Variants in DSP observed in about 807,000 individuals in gnomAD.
The protein encoded by DSP is desmoplakin.
Under a neutral mutation model 290.6 loss-of-function variants are expected in DSP, and 114 were observed. The ratio of observed to expected loss-of-function variants is 0.39; its 90% CI spans 0.34 to 0.46. The LOEUF is 0.46. Among genes scored for constraint, DSP ranks in the 20% least tolerant of loss-of-function variants. The pLI, the probability that DSP is intolerant of heterozygous loss-of-function variation, is 0.99. For synonymous variants in DSP, 1,311 were observed against 1,316.4 expected, an observed-to-expected ratio of 1.00 and a Z score of 0.09; for missense variants, 3,230 against 3,495.8, an observed-to-expected ratio of 0.92 and a Z score of 1.92.
chr6:7,556,691 ATAT>A (rs1357659607), intron 2 of DSP, among the ~76,000 whole-genome samples: 1 of 152,310 alleles, frequency 6.6e-6, no homozygotes, highest in Admixed American at 6.5e-5. Flanking sequence ...CTTAATTTAG[ATAT>A]TGTGTGGGTT....
rs2113669114 is a variant in DSP at position 7,565,344 on chromosome 6, G to A, written c.778-15G>A. On this transcript the variant is annotated splice_polypyrimidine_tract_variant and intron_variant, in intron 6 of 23. Coordinates refer to ENST00000379802, the MANE Select transcript of DSP (RefSeq NM_004415.4). This position sits in a 1 kb window ranked among gnomAD's most constrained non-coding sequence, Gnocchi z 4.2. ...ATATTGTTATTTTAATGCTGCCTTT[G>A]AACCTCCTGTGCAGAAAGCGTCCTT... The A allele has an allele frequency of 1.2e-6, 2 of 1,613,728 alleles. No individual in the cohort carries two copies. The highest frequency in any genetic ancestry group is 1.7e-6 in the Non-Finnish European group (2 of 1,179,954).
chr6:7,545,845 G>A (rs1758157066), intron 1 of DSP, among the ~76,000 whole-genome samples: 1 of 152,244 alleles, frequency 6.6e-6, no homozygotes, highest in Admixed American at 6.5e-5. Flanking sequence ...CAGAGGGAGA[G>A]AAGAGCATGA....
At position 7,585,269 on chromosome 6, in the gene DSP, G is replaced by A. The variant is rs746561567; in HGVS notation, c.8007G>A (p.Leu2669=). 1.4e-5 allele frequency: 22 copies of A among 1,614,062 alleles called. No individual in the cohort carries two copies. In the South Asian group the frequency reaches 2.3e-4, roughly 17 times the overall value. ...TCCACCCAACCACGGGCCAGAAGCT[G>A]TCACTTCAGGACGCAGTCTCCCAGG... is the stretch of plus-strand genomic sequence containing the variant. ...GIIHPTTGQK[L]SLQDAVSQGV... The change falls in exon 24 of 24, where the codon CTG becomes CTA. Residue 2669 remains leucine, a synonymous_variant. Transcript: ENST00000379802.
rs1406880287 is a variant in DSP, at chr6:7,569,241, A to G, written c.1475A>G (p.Lys492Arg). The G allele has an allele frequency of 6.2e-7, 1 of 1,614,200 alleles. No homozygotes were observed. The highest frequency in any genetic ancestry group is 1.7e-5 in the Admixed American group (1 of 60,028). Residue 492 changes from lysine (K) to arginine (R), a missense_variant, in exon 12 of 24, where the codon AAG (lysine) becomes AGG (arginine). By Grantham distance (26) the Lys-to-Arg change is conservative. Transcript: ENST00000379802. ...CTGAAGGACAACAACGAGCGCAGCA[A>G]GTGGTACGTGACGGGCCCGGGAGGC... Reference protein sequence around the residue: ...CILKDNNERSKWYVTGPGGVD... With the variant: ...CILKDNNERSRWYVTGPGGVD...
chr6:7,566,271 C>T, intron 7 of DSP, 106 bp from the exon 8 acceptor site: 1 of 901,304 alleles, frequency 1.1e-6, no homozygotes, highest in Non-Finnish European at 1.8e-6. Context: ...TGGCATTGTT[C>T]ATTTCCAAAA....
Position 7,575,295 on chromosome 6 carries a change from A to G in DSP, c.2437A>G (p.Lys813Glu), listed in dbSNP as rs1395903631. ...AATCTTTTTTTTTTTCATCTTGCAG[A>G]AAATAAAAAATGACTTGAACTTGAA... is the stretch of plus-strand genomic sequence containing the variant. Reference protein sequence around the residue: ...KVEAYRCGLKKIKNDLNLKKS... With the variant: ...KVEAYRCGLKEIKNDLNLKKS... Residue 813 changes from lysine (K) to glutamate (E), a missense_variant and splice_region_variant, in exon 18 of 24, where the codon AAA becomes GAA. Physicochemically the swap from Lys to Glu is moderately conservative, Grantham distance 56 (BLOSUM62 1). Coordinates refer to ENST00000379802, the MANE Select transcript of DSP (RefSeq NM_004415.4). 1 of 1,613,806 alleles carries G rather than the reference A, an allele frequency of 6.2e-7. No homozygotes were observed.
intron 1 of DSP, among the ~76,000 whole-genome samples, chr6:7,542,717 C>G (rs1758038689): frequency 6.6e-6 from 1 of 152,222 alleles, no homozygotes; most frequent in Non-Finnish European, 1.5e-5. Context: ...AACTTCCCCG[C>G]CGGGGCGGCT....
At position 7,580,548 on chromosome 6, in the gene DSP, A is replaced by C. The variant is rs1464785832; in HGVS notation, c.4358A>C (p.Gln1453Pro). 1 of 1,614,064 alleles carries C rather than the reference A, an allele frequency of 6.2e-7. No individual in the cohort carries two copies. The highest frequency in any genetic ancestry group is 1.3e-5 in the African/African-American group (1 of 74,928). ...CAGCAGCTGGAGGTTGAGCTGAGACAAGTCACTCAGATGCGAACAGAGGAG... is the reference window on the plus strand; with the variant it reads ...CAGCAGCTGGAGGTTGAGCTGAGACCAGTCACTCAGATGCGAACAGAGGAG... ...RKQQLEVELR[Q>P]VTQMRTEESV... Residue 1453 changes from glutamine to proline, a missense_variant, in exon 23 of 24, where the codon CAA becomes CCA. By Grantham distance (76) the Gln-to-Pro change is moderately conservative (BLOSUM62 -1). Coordinates refer to ENST00000379802, the MANE Select transcript of DSP (RefSeq NM_004415.4). This position sits in a 1 kb window ranked among gnomAD's most constrained non-coding sequence, Gnocchi z 4.2.
rs368214030 is a variant in DSP, at chr6:7,579,421, G to A, written c.3231G>A (p.Ala1077=). The A allele has an allele frequency of 2.9e-5, 47 of 1,614,184 alleles. No homozygotes were observed. The highest frequency in any genetic ancestry group is 3.3e-4 in the Middle Eastern group (2 of 6,062). The stretch of plus-strand genomic sequence containing the variant: ...GTTCCCAGTTCAAAGCGAAGCTTGC[G>A]AGCCTGGAGGAGCTGAAGAGACAGG... ...AECSQFKAKL[A]SLEELKRQAE... Residue 1077 remains alanine, a synonymous_variant, in exon 23 of 24, where the codon GCG becomes GCA. Coordinates refer to ENST00000379802, the MANE Select transcript of DSP (RefSeq NM_004415.4). This position sits in a 1 kb window ranked among gnomAD's most constrained non-coding sequence, Gnocchi z 4.1.
intron 18 of DSP, among the ~76,000 whole-genome samples, chr6:7,575,843 CA>C (rs534310044): frequency 1.1e-4 from 17 of 151,392 alleles, no homozygotes; most frequent in South Asian, 2.1e-4. Context: ...AATCTTAGAC[CA>C]AAAAAAATGC....
At chr6:7,550,112 A>G (rs2806166) in intron 1 of DSP, among the ~76,000 whole-genome samples, 38,884 of 151,960 alleles carry the variant, frequency 0.26, 5,328 homozygotes, top group African/African-American at 0.35. Context: ...ATCTCGGCTC[A>G]CTGCAGCCTC....
intron 19 of DSP, 110 bp from the exon 20 acceptor site, chr6:7,576,849 G>T: frequency 1.0e-6 from 1 of 964,586 alleles, no homozygotes; most frequent in Non-Finnish European, 1.6e-6. Context: ...AGTACATGTA[G>T]TAATAAACTG....
At position 7,569,174 on chromosome 6, in the gene DSP, C is replaced by T; in HGVS notation, c.1420-12C>T. Reference sequence around the variant, plus strand: ...TGAATAAAGCCAAACCCTGGGGTTGCTTGCCTTACAGAAAATCGTGCATAA... The same window carrying T: ...TGAATAAAGCCAAACCCTGGGGTTGTTTGCCTTACAGAAAATCGTGCATAA... On this transcript the variant is annotated splice_polypyrimidine_tract_variant and intron_variant, in intron 11 of 23. Transcript: ENST00000379802. The T allele has an allele frequency of 1.2e-6, 2 of 1,614,182 alleles. No individual in the cohort carries two copies. Among genetic ancestry groups the T allele is most frequent in the Non-Finnish European group, 1.7e-6 (2 of 1,180,028 alleles).
intron 21 of DSP, among the ~76,000 whole-genome samples, chr6:7,578,139 G>C (rs1375381466): frequency 8.1e-6 from 1 of 123,568 alleles, no homozygotes; most frequent in Non-Finnish European, 1.7e-5. Flanking sequence ...TAGAAATTGG[G>C]CTTAAATTTC....
At position 7,579,669 on chromosome 6, in the gene DSP, C is replaced by A; in HGVS notation, c.3479C>A (p.Ser1160Tyr). The change falls in exon 23 of 24, where the codon TCT becomes TAT. Residue 1160 changes from serine to tyrosine, a missense_variant. Physicochemically the swap from Ser to Tyr is moderately radical, Grantham distance 144 (BLOSUM62 -2). Coordinates refer to ENST00000379802, the MANE Select transcript of DSP (RefSeq NM_004415.4). This position sits in a 1 kb window ranked among gnomAD's most constrained non-coding sequence, Gnocchi z 4.1. ...KENLGWQKLE[S>Y]EKAIKEKEYE... ...AACCTTGGTTGGCAGAAATTAGAGT[C>A]TGAGAAAGCCATCAAGGAGAAGGAG... 1 of 1,613,774 alleles carries A rather than the reference C, an allele frequency of 6.2e-7. No individual in the cohort carries two copies. The highest frequency in any genetic ancestry group is 1.1e-5 in the South Asian group (1 of 91,040).
Position 7,542,186 on chromosome 6 carries a change from G to A in DSP, c.170+101G>A, listed in dbSNP as rs575638354. On this transcript the variant is annotated intron_variant, in intron 1 of 23. Coordinates refer to ENST00000379802, the MANE Select transcript of DSP (RefSeq NM_004415.4). ...GAGACTCGGGTCCCGAAGGTGGAAA[G>A]GTTTTTTTGCCCCAGGTCCCGAAAG... 4.3e-4 allele frequency: 641 copies of A among 1,482,188 alleles called. 5 individuals are homozygous for A. In the African/African-American group the frequency reaches 7.4e-3, roughly 17 times the overall value. 91.8% of individuals were successfully genotyped at this position (1,482,188 alleles called of 1,614,324 possible). A position where few individuals can be genotyped will look rare whatever the true frequency, so the allele number is the denominator to read the frequency against.
rs553333276 is a variant in DSP, at chr6:7,560,214, A to G, written c.597+814A>G. Among the ~76,000 whole-genome samples, 177 of 152,292 alleles carry G rather than the reference A, an allele frequency of 1.2e-3. 2 individuals are homozygous for G. The highest frequency in any genetic ancestry group is 4.2e-3 in the African/African-American group (175 of 41,558). On this transcript the variant is annotated intron_variant, in intron 4 of 23. Transcript: ENST00000379802. ...GTGGAGAGATTGTTATGCAATTTAG[A>G]TGTGGTTGTAAGAAAGCTTGGTTTG... is the stretch of plus-strand genomic sequence containing the variant.
rs1442496444 is a variant in DSP, at chr6:7,555,755, A to G, written c.208A>G (p.Thr70Ala). The G allele has an allele frequency of 1.2e-6, 2 of 1,614,252 alleles. No homozygotes were observed. Among genetic ancestry groups the G allele is most frequent in the Middle Eastern group, 3.3e-4 (2 of 6,062 alleles). ...GTMSRHQNQN[T>A]IQELLQNCSD... ...GATGTCCAGGCACCAGAACCAGAAC[A>G]CCATCCAGGAGCTGCTGCAGAACTG... is the stretch of plus-strand genomic sequence containing the variant. Residue 70 changes from threonine (T) to alanine (A), a missense_variant, in exon 2 of 24, where the codon ACC becomes GCC. Thr to Ala is a moderately conservative substitution (Grantham distance 58). Coordinates refer to ENST00000379802, the MANE Select transcript of DSP (RefSeq NM_004415.4).
rs1581808686 is a variant in DSP at position 7,574,119 on chromosome 6, G to A, written c.2164G>A (p.Val722Ile). The A allele has an allele frequency of 1.2e-6, 2 of 1,614,094 alleles. No homozygotes were observed. Among genetic ancestry groups the A allele is most frequent in the Non-Finnish European group, 1.7e-6 (2 of 1,179,982 alleles). The change falls in exon 16 of 24, where the codon GTT becomes ATT. Residue 722 changes from valine to isoleucine, a missense_variant. Val to Ile is a conservative substitution (Grantham distance 29). Transcript: ENST00000379802. The part of the protein sequence containing the change: ...VQNDSQAIAE[V>I]LNQLKDMLAN... Reference sequence around the variant, plus strand: ...GAATGATTCACAAGCAATTGCTGAGGTTCTCAACCAGCTTAAAGATATGCT... The same window carrying A: ...GAATGATTCACAAGCAATTGCTGAGATTCTCAACCAGCTTAAAGATATGCT...
Sources: gnomAD v4.1 joint callset for allele counts (sites outside exome capture counted in the v4.1 genomes callset) on GRCh38, gnomAD v4.1.1 for gene constraint, Gnocchi (gnomAD v3.1) non-coding constraint, MANE v1.5 for transcripts, NCBI Gene and HGNC (gene_info 2026-07-23, HGNC 2026-07-21) for gene names.